Variants in SASH1 observed in about 807,000 individuals in gnomAD.
The protein encoded by SASH1 is SAM and SH3 domain-containing protein 1.
SASH1 carries 44 observed loss-of-function variants against 125.2 expected under a neutral mutation model. The ratio of observed to expected loss-of-function variants is 0.35; its 90% CI spans 0.28 to 0.45. The LOEUF (loss-of-function observed/expected upper bound fraction) is 0.45, where lower values mean the gene tolerates loss of function less well. Ranked by LOEUF, SASH1 falls within the 20% of genes least tolerant of loss-of-function variation. SASH1 has a pLI of 1.00. For missense variants in SASH1, 1,426 were observed against 1,614.5 expected (o/e 0.88, Z 2.00); for synonymous variants, 639 against 649.1 (o/e 0.98, Z 0.24).
chr6:148,298,662 G>A (rs1487970461), intron 1 of SASH1, among the ~76,000 whole-genome samples: 2 of 95,738 alleles, frequency 2.1e-5, no homozygotes, highest in Admixed American at 1.1e-4. Flanking sequence ...AGGGAGGGAG[G>A]GAGGGAGGAA....
chr6:148,212,250 A>G, the SASH1 span, among the ~76,000 whole-genome samples: 1 of 152,306 alleles, frequency 6.6e-6, no homozygotes, highest in East Asian at 1.9e-4. Context: ...ATTAAGCAGG[A>G]CACTGTGCAA....
chr6:148,446,093 T>TTTTTTTTTTTTTTTTTTTTTTTTTTTTTC (rs2115021417), intron 4 of SASH1, among the ~76,000 whole-genome samples: 1 of 5,514 alleles, frequency 1.8e-4, no homozygotes, highest in Non-Finnish European at 3.4e-4. Context: ...GGGTTCTTTT[T>TTTTTTTTTTTTTTTTTTTTTTTTTTTTTC]TTTTTTTTTT....
chr6:148,302,478 A>G (rs899550598), intron 1 of SASH1, among the ~76,000 whole-genome samples: 10 of 151,658 alleles, frequency 6.6e-5, no homozygotes, highest in Non-Finnish European at 1.5e-4. Flanking sequence ...TTGCCATGAT[A>G]CTTGTGTTAA....
the SASH1 span, among the ~76,000 whole-genome samples, chr6:148,251,607 G>A: frequency 2.0e-5 from 3 of 152,060 alleles, no homozygotes; most frequent in African/African-American, 7.2e-5. Context: ...AACTGATGTG[G>A]CCAAAACATC....
chr6:148,277,612 T>G (rs1249427556), intron 1 of SASH1, among the ~76,000 whole-genome samples: 1 of 152,232 alleles, frequency 6.6e-6, no homozygotes, highest in Admixed American at 6.5e-5. Flanking sequence ...ATTATTATGT[T>G]GACACTCCAA....
chr6:148,199,399 T>G, the SASH1 span, among the ~76,000 whole-genome samples: 1 of 149,180 alleles, frequency 6.7e-6, no homozygotes, highest in Non-Finnish European at 1.5e-5. Flanking sequence ...AAACTGAGCT[T>G]GGCTATAAGG....
the SASH1 span, among the ~76,000 whole-genome samples, chr6:148,264,109 A>T: frequency 6.6e-6 from 1 of 150,910 alleles, no homozygotes; most frequent in Non-Finnish European, 1.5e-5. Context: ...CTCTGATGAA[A>T]GGGAGACCTG....
intron 2 of SASH1, among the ~76,000 whole-genome samples, chr6:148,437,748 A>G (rs1776355978): frequency 6.6e-6 from 1 of 152,246 alleles, no homozygotes; most frequent in Non-Finnish European, 1.5e-5. Context: ...TTAAATAGCT[A>G]AAAGAATCAA....
chr6:148,537,824 GTGTGTGT>G (rs1781951539), intron 16 of SASH1, among the ~76,000 whole-genome samples: 5 of 135,568 alleles, frequency 3.7e-5, no homozygotes, highest in African/African-American at 5.6e-5. Context: ...GTGTGTGTGT[GTGTGTGT>G]GGTTGGTGAG....
chr6:148,310,716 A>G (rs577745827), intron 1 of SASH1, among the ~76,000 whole-genome samples: 2 of 152,326 alleles, frequency 1.3e-5, no homozygotes, highest in Admixed American at 6.5e-5. Flanking sequence ...TAAAACGGGC[A>G]AAAGATTTAA....
intron 8 of SASH1, among the ~76,000 whole-genome samples, chr6:148,507,559 C>T (rs1165716595): frequency 3.9e-5 from 6 of 152,208 alleles, no homozygotes; most frequent in Non-Finnish European, 8.8e-5. Flanking sequence ...TTAGTAGAGA[C>T]GGGTTTTCAC....
In SASH1 at chr6:148,487,092, T is replaced by TACACACACACACAC. The variant is rs1186673454; in HGVS notation, c.628-514_628-501dup. Among the ~76,000 whole-genome samples, 584 of 118,708 alleles carry TACACACACACACAC rather than the reference T, an allele frequency of 4.9e-3. 18 individuals are homozygous for TACACACACACACAC. The highest frequency in any genetic ancestry group is 0.018 in the African/African-American group (554 of 31,610). 77.9% of individuals were successfully genotyped at this position (118,708 alleles called of 152,430 possible). A position where few individuals can be genotyped will look rare whatever the true frequency, so the allele number is the denominator to read the frequency against. On this transcript the variant is annotated intron_variant, in intron 7 of 19. Coordinates refer to ENST00000367467, the MANE Select transcript of SASH1 (RefSeq NM_015278.5). ...AATATATATATATAACACATATATA[T>TACACACACACACAC]ACACACACACACACACACACATATA...
intron 4 of SASH1, among the ~76,000 whole-genome samples, chr6:148,446,164 A>G (rs1184960653): frequency 8.1e-6 from 1 of 123,656 alleles, no homozygotes; most frequent in Non-Finnish European, 1.6e-5. Flanking sequence ...GCTGGAGTGC[A>G]GTGGCGCGAT....
At chr6:148,336,517 G>A (rs2114614560) in intron 1 of SASH1, among the ~76,000 whole-genome samples, 1 of 152,176 alleles carries the variant, frequency 6.6e-6, no homozygotes, top group East Asian at 1.9e-4. Flanking sequence ...AGGTAAATGG[G>A]GGCACAATAA....
chr6:148,452,585 C>T (rs977091610), intron 4 of SASH1, among the ~76,000 whole-genome samples: 23 of 152,190 alleles, frequency 1.5e-4, no homozygotes, highest in African/African-American at 4.8e-4. Context: ...GAATTCTTTA[C>T]GCCTCAGGTT....
chr6:148,339,139 G>C (rs192360090), upstream of SASH1, among the ~76,000 whole-genome samples: 46 of 151,962 alleles, frequency 3.0e-4, no homozygotes, highest in Middle Eastern at 0.024. Flanking sequence ...AGATCATGTT[G>C]AGTTAACACA....
chr6:148,543,856 T>C lies in SASH1; in HGVS notation c.2386T>C (p.Ser796Pro), dbSNP rs1782374557. The stretch of plus-strand genomic sequence containing the variant: ...GGGTGGTGGCCTTGCCCCAGACACG[T>C]CCAAGAGCTGTGACCCACCTGGTGT... Reference protein sequence around the residue: ...RLGGGLAPDTSKSCDPPGVTG... With the variant: ...RLGGGLAPDTPKSCDPPGVTG... The change falls in exon 18 of 20, where the codon TCC becomes CCC. Residue 796 changes from serine to proline, a missense_variant. Physicochemically the swap from Ser to Pro is moderately conservative, Grantham distance 74. Coordinates refer to ENST00000367467, the MANE Select transcript of SASH1 (RefSeq NM_015278.5). 4 of 1,613,988 alleles carry C rather than the reference T, an allele frequency of 2.5e-6. No individual in the cohort carries two copies. Among genetic ancestry groups the C allele is most frequent in the Non-Finnish European group, 3.4e-6 (4 of 1,180,008 alleles).
At chr6:148,277,100 G>T (rs184762128) in intron 1 of SASH1, among the ~76,000 whole-genome samples, 12 of 152,278 alleles carry the variant, frequency 7.9e-5, no homozygotes, top group Admixed American at 7.2e-4. Context: ...CACACGAATA[G>T]TCCCATAACT....
chr6:148,278,693 A>G (rs1206252843), intron 1 of SASH1: 1 of 152,158 alleles, frequency 6.6e-6, no homozygotes, highest in Non-Finnish European at 1.5e-5. Flanking sequence ...AGCAGCACAT[A>G]TACTAAAATT....
Sources: gnomAD v4.1 joint callset for allele counts (sites outside exome capture counted in the v4.1 genomes callset) on GRCh38, gnomAD v4.1.1 for gene constraint, MANE v1.5 for transcripts, NCBI Gene and HGNC (gene_info 2026-07-23, HGNC 2026-07-21) for gene names.